The following PINX1 variants were observed in gnomAD, a reference collection of about 807,000 sequenced individuals.
The protein encoded by PINX1 is PIN2/TERF1-interacting telomerase inhibitor 1.
Under a neutral mutation model 25.4 loss-of-function variants are expected in PINX1, and 34 were observed. The observed-to-expected ratio is 1.34, with a 90% confidence interval of 1.02 to 1.78. The LOEUF (loss-of-function observed/expected upper bound fraction) is 1.78. Ranked by LOEUF, PINX1 falls within the 40% of genes most tolerant of loss-of-function variation. The probability of loss-of-function intolerance (pLI) is 0.00; values close to 1 mark genes in which losing one functional copy is unlikely to be tolerated. For synonymous variants in PINX1, 197 were observed against 147.7 expected, an observed-to-expected ratio of 1.33 and a Z score of -2.42; for missense variants, 592 against 404.9, an observed-to-expected ratio of 1.46 and a Z score of -3.97.
intron 6 of PINX1, among the ~76,000 whole-genome samples, chr8:10,776,613 C>T (rs983006301): frequency 1.3e-5 from 2 of 152,034 alleles, no homozygotes; most frequent in Admixed American, 6.6e-5. Flanking sequence ...ACTGAACTCC[C>T]GCCTCAAGCT....
intron 6 of PINX1, among the ~76,000 whole-genome samples, chr8:10,799,869 G>C (rs934712221): frequency 9.9e-5 from 15 of 152,208 alleles, no homozygotes; most frequent in African/African-American, 3.4e-4. Context: ...TTCCAACAAA[G>C]CTGAATAGGG....
chr8:10,829,403 G>A (rs1218083574), intron 4 of PINX1, among the ~76,000 whole-genome samples: 1 of 151,950 alleles, frequency 6.6e-6, no homozygotes, highest in Non-Finnish European at 1.5e-5. Context: ...AGATTTGCCA[G>A]CCACACTATC....
In PINX1 at chr8:10,765,567, G is replaced by A; in HGVS notation, c.821C>T (p.Ala274Val). ...PCWDQSSKAS[A>V]QDAGDHVQPP... Reference sequence around the variant, plus strand: ...CTGCACATGGTCCCCTGCATCCTGAGCAGAGGCCTTGGAACTCTGGTCCCA... The same window carrying A: ...CTGCACATGGTCCCCTGCATCCTGAACAGAGGCCTTGGAACTCTGGTCCCA... Residue 274 changes from alanine to valine, a missense_variant, in exon 7 of 7, where the codon GCT (alanine) becomes GTT (valine). Physicochemically the swap from Ala to Val is moderately conservative, Grantham distance 64 (BLOSUM62 0). Transcript: ENST00000314787. 6.2e-7 allele frequency: 1 copy of A among 1,613,732 alleles called. No homozygotes were observed. The highest frequency in any genetic ancestry group is 8.5e-7 in the Non-Finnish European group (1 of 1,179,894).
intron 6 of PINX1, among the ~76,000 whole-genome samples, chr8:10,791,374 T>C (rs1324545006): frequency 6.6e-6 from 1 of 152,056 alleles, no homozygotes; most frequent in Non-Finnish European, 1.5e-5. Flanking sequence ...ACATCGCAAA[T>C]GCTCAGTACA....
Position 10,765,168 on chromosome 8 carries a change from A to G in PINX1, c.*233T>C. ...TCTCTTGCTGAAGGGCTCAGAGTTT[A>G]CAAAAAAATTTATTTGTGTCTGAGA... On this transcript the variant is annotated 3_prime_UTR_variant, in exon 7 of 7. Transcript: ENST00000314787. 1.9e-6 allele frequency: 1 copy of G among 520,190 alleles called. No homozygotes were observed. The allele number at this position is 520,190 out of a possible 1,614,324, so 32.2% of individuals were successfully genotyped here. A position where few individuals can be genotyped will look rare whatever the true frequency, so the allele number is the denominator to read the frequency against.
intron 6 of PINX1, among the ~76,000 whole-genome samples, chr8:10,813,894 G>A (rs558928654): frequency 1.4e-5 from 2 of 147,110 alleles, no homozygotes; most frequent in Admixed American, 1.4e-4. Flanking sequence ...AGGTGGGGGA[G>A]GGAAAAAAAT....
At chr8:10,777,696 A>G (rs1340387121) in intron 6 of PINX1, among the ~76,000 whole-genome samples, 1 of 152,202 alleles carries the variant, frequency 6.6e-6, no homozygotes, top group Non-Finnish European at 1.5e-5. Flanking sequence ...TGGATTTTGC[A>G]TCTCTGTTGG....
chr8:10,796,581 G>C (rs557102621), intron 6 of PINX1, among the ~76,000 whole-genome samples: 1 of 152,168 alleles, frequency 6.6e-6, no homozygotes, highest in South Asian at 2.1e-4. Context: ...TCCTTTAAAA[G>C]ATACAATGTT....
chr8:10,821,521 T>C (rs1022297774), intron 5 of PINX1, among the ~76,000 whole-genome samples: 9 of 152,030 alleles, frequency 5.9e-5, no homozygotes, highest in South Asian at 4.1e-4. Flanking sequence ...TATGATTAAA[T>C]AGGACCTACA....
intron 6 of PINX1, among the ~76,000 whole-genome samples, chr8:10,806,826 C>G (rs1586176254): frequency 6.6e-6 from 1 of 152,106 alleles, no homozygotes; most frequent in South Asian, 2.1e-4. Flanking sequence ...GAGGACCTCC[C>G]CACTAGTCCA....
At chr8:10,816,648 A>G (rs942518898) in intron 6 of PINX1, among the ~76,000 whole-genome samples, 2 of 152,226 alleles carry the variant, frequency 1.3e-5, no homozygotes, top group African/African-American at 2.4e-5. Flanking sequence ...GCAACAGCCA[A>G]TCATTTTCCC....
At chr8:10,796,903 A>C (rs1470363599) in intron 6 of PINX1, among the ~76,000 whole-genome samples, 1 of 152,024 alleles carries the variant, frequency 6.6e-6, no homozygotes, top group Non-Finnish European at 1.5e-5. Flanking sequence ...AATGACAACT[A>C]TCAGCACTCC....
At chr8:10,802,548 T>C (rs1802301770) in intron 6 of PINX1, among the ~76,000 whole-genome samples, 1 of 152,200 alleles carries the variant, frequency 6.6e-6, no homozygotes, top group Non-Finnish European at 1.5e-5. Flanking sequence ...CAGAATCCAG[T>C]ATCAACAAAA....
intron 6 of PINX1, among the ~76,000 whole-genome samples, chr8:10,819,194 C>A (rs1385052206): frequency 1.3e-5 from 2 of 152,250 alleles, no homozygotes; most frequent in Non-Finnish European, 2.9e-5. Context: ...CAGTCCCAAT[C>A]TGCACAGGGA....
intron 6 of PINX1, among the ~76,000 whole-genome samples, chr8:10,818,327 T>G (rs1586190967): frequency 6.6e-6 from 1 of 152,136 alleles, no homozygotes; most frequent in Non-Finnish European, 1.5e-5. Flanking sequence ...GGTGGATGTC[T>G]CACTTTAACA....
intron 6 of PINX1, among the ~76,000 whole-genome samples, chr8:10,772,422 T>C (rs932691690): frequency 2.2e-4 from 34 of 152,276 alleles, no homozygotes; most frequent in African/African-American, 8.2e-4. Flanking sequence ...CTTCTCTCTA[T>C]GGAACCTCTG....
intron 3 of PINX1, among the ~76,000 whole-genome samples, chr8:10,832,261 G>A (rs569299513): frequency 1.3e-5 from 2 of 152,192 alleles, no homozygotes; most frequent in African/African-American, 4.8e-5. Context: ...CCATTTGTAA[G>A]GTGGTTACCT....
chr8:10,813,410 C>T (rs1797598247), intron 6 of PINX1, among the ~76,000 whole-genome samples: 1 of 152,126 alleles, frequency 6.6e-6, no homozygotes, highest in African/African-American at 2.4e-5. Context: ...TGATCTTCCC[C>T]ATGAGGAACT....
At chr8:10,796,529 GGCT>G (rs1255047399) in intron 6 of PINX1, among the ~76,000 whole-genome samples, 1 of 152,066 alleles carries the variant, frequency 6.6e-6, no homozygotes, top group Non-Finnish European at 1.5e-5. Flanking sequence ...ATGCCTTCCG[GGCT>G]GCTGTTCTCT....
Sources: allele counts gnomAD v4.1 joint callset (sites outside exome capture counted in the v4.1 genomes callset), GRCh38; gene constraint gnomAD v4.1.1; transcripts MANE v1.5; gene names NCBI Gene and HGNC (gene_info 2026-07-23, HGNC 2026-07-21).